RGS17: variants seen among roughly 807,000 people sequenced by gnomAD.
RGS17 encodes regulator of G protein signaling 17, also known as regulator of G-protein signaling 17.
In RGS17, 12 loss-of-function variants were observed where a neutral mutation model predicts 25.5. That is an observed-to-expected ratio of 0.47 (90% confidence interval 0.30 to 0.76). The LOEUF is 0.76. Among genes scored for constraint, RGS17 ranks in the 30% least tolerant of loss-of-function variants. RGS17 has a pLI of 0.07. For missense variants in RGS17, 196 were observed against 242.2 expected, an observed-to-expected ratio of 0.81 and a Z score of 1.27; for synonymous variants, 71 against 76.9, an observed-to-expected ratio of 0.92 and a Z score of 0.40.
Position 153,009,977 on chromosome 6 carries a change from T to TAA in RGS17, c.*1595_*1596dup, listed in dbSNP as rs1372771169. The TAA allele has an allele frequency of 6.6e-6, 1 of 151,836 alleles. No homozygotes were observed. The allele number at this position is 151,836 out of a possible 1,614,324, so 9.4% of individuals were successfully genotyped here. ...GCCAACCTTTCAAGTAAAATAAATT[T>TAA]AAAAAGAAACCCCCAAACTTGTTTT... On this transcript the variant is annotated 3_prime_UTR_variant, in exon 5 of 5. Transcript: ENST00000206262.
intron 2 of RGS17, among the ~76,000 whole-genome samples, chr6:153,033,524 C>T (rs555589222): frequency 6.6e-6 from 1 of 151,964 alleles, no homozygotes; most frequent in African/African-American, 2.4e-5. Context: ...TCGAGACCAC[C>T]CTGGGTAACA....
chr6:153,021,148 T>A (rs1451809862), intron 4 of RGS17, among the ~76,000 whole-genome samples: 1 of 152,232 alleles, frequency 6.6e-6, no homozygotes, highest in Non-Finnish European at 1.5e-5. Context: ...ATGAACTGAA[T>A]GTTGAGACTC....
chr6:153,007,690 C>G lies in RGS17; in HGVS notation c.*3884G>C, dbSNP rs1369063384. On this transcript the variant is annotated 3_prime_UTR_variant, in exon 5 of 5. Transcript: ENST00000206262. ...CACTGCGACCTCTGCCTCCTGGGTT[C>G]AAGCGATTCTCCTGCCTCAGCCTCT... 2 of 152,116 alleles carry G rather than the reference C, an allele frequency of 1.3e-5. No individual in the cohort carries two copies. Among genetic ancestry groups the G allele is most frequent in the Non-Finnish European group, 2.9e-5 (2 of 68,054 alleles). 9.4% of individuals were successfully genotyped at this position (152,116 alleles called of 1,614,324 possible).
intron 2 of RGS17, among the ~76,000 whole-genome samples, chr6:153,038,863 C>T (rs948196369): frequency 5.3e-5 from 8 of 152,078 alleles, no homozygotes; most frequent in African/African-American, 9.7e-5. Flanking sequence ...TTGTTAGAAA[C>T]GGAGGGAGGG....
intron 2 of RGS17, among the ~76,000 whole-genome samples, chr6:153,041,114 G>A (rs979991870): frequency 3.3e-5 from 5 of 152,082 alleles, no homozygotes; most frequent in Non-Finnish European, 5.9e-5. Context: ...ACAGTGAGCT[G>A]TGACTGTGCC....
chr6:153,065,295 C>A (rs144196176), intron 1 of RGS17, among the ~76,000 whole-genome samples: 5 of 152,140 alleles, frequency 3.3e-5, no homozygotes, highest in African/African-American at 1.2e-4. Context: ...ATAAAACAAC[C>A]AGATATATAC....
intron 2 of RGS17, among the ~76,000 whole-genome samples, chr6:153,031,539 G>C (rs1316426724): frequency 2.6e-5 from 4 of 152,090 alleles, no homozygotes; most frequent in Non-Finnish European, 5.9e-5. Flanking sequence ...TATTTACAAG[G>C]AAACAGTTAT....
At chr6:153,105,360 G>T (rs915267635) in intron 1 of RGS17, among the ~76,000 whole-genome samples, 8 of 152,062 alleles carry the variant, frequency 5.3e-5, no homozygotes, top group African/African-American at 2.4e-5. Context: ...ATTTATTAAG[G>T]ACCTATTATC....
intron 1 of RGS17, among the ~76,000 whole-genome samples, chr6:153,054,357 T>G (rs1215582786): frequency 6.6e-6 from 1 of 151,476 alleles, no homozygotes. Context: ...GTTGTTAGAT[T>G]TGCAAGACCG....
At chr6:153,066,981 A>C (rs1776718627) in intron 1 of RGS17, among the ~76,000 whole-genome samples, 1 of 152,130 alleles carries the variant, frequency 6.6e-6, no homozygotes, top group African/African-American at 2.4e-5. Flanking sequence ...CGGAGCTTGC[A>C]ATGAGCTGAG....
At chr6:153,029,739 C>T (rs1308190302) in intron 2 of RGS17, among the ~76,000 whole-genome samples, 2 of 151,970 alleles carry the variant, frequency 1.3e-5, no homozygotes, top group Non-Finnish European at 2.9e-5. Context: ...TACAGGCACC[C>T]GCCACCATGC....
chr6:153,019,264 G>C (rs114998952), intron 4 of RGS17, among the ~76,000 whole-genome samples: 2,027 of 152,254 alleles, frequency 0.013, 54 homozygotes, highest in African/African-American at 0.046. Context: ...GCCATCACTA[G>C]GCAGATTTCT....
chr6:153,089,043 T>C (rs1777089308), intron 1 of RGS17, among the ~76,000 whole-genome samples: 1 of 152,186 alleles, frequency 6.6e-6, no homozygotes, highest in African/African-American at 2.4e-5. Context: ...TCTCAAGAAC[T>C]GCTCCCACCT....
At position 153,028,911 on chromosome 6, in the gene RGS17, G is replaced by A. The variant is rs79659139; in HGVS notation, c.120-2368C>T. Among the ~76,000 whole-genome samples the A allele has an allele frequency of 9.9e-3, 1,502 of 152,248 alleles. 10 individuals carry two copies. The highest frequency in any genetic ancestry group is 0.014 in the Non-Finnish European group (952 of 68,012). On this transcript the variant is annotated intron_variant, in intron 2 of 4. Coordinates refer to ENST00000206262, the MANE Select transcript of RGS17 (RefSeq NM_012419.5). Reference sequence around the variant, plus strand: ...ACTTCATTTCATTAAACATCTTTGAGAAATTTTTTTCTCCGTTGTGCCTTT... The same window carrying A: ...ACTTCATTTCATTAAACATCTTTGAAAAATTTTTTTCTCCGTTGTGCCTTT...
chr6:153,116,404 A>T (rs1273776535), intron 1 of RGS17, among the ~76,000 whole-genome samples: 1 of 152,228 alleles, frequency 6.6e-6, no homozygotes, highest in African/African-American at 2.4e-5. Flanking sequence ...AATGGTGATC[A>T]TTAAAAAGTC....
At chr6:153,114,924 G>A (rs971778202) in intron 1 of RGS17, among the ~76,000 whole-genome samples, 28 of 152,046 alleles carry the variant, frequency 1.8e-4, no homozygotes, top group Admixed American at 3.9e-4. Context: ...TTGATGGAAC[G>A]TATCTCAAAA....
chr6:153,019,154 T>C (rs773893582), intron 4 of RGS17, among the ~76,000 whole-genome samples: 10 of 152,220 alleles, frequency 6.6e-5, no homozygotes, highest in Non-Finnish European at 1.3e-4. Context: ...CCTTCATTCA[T>C]AACACTAGGA....
chr6:153,051,324 G>T (rs1403480574), intron 1 of RGS17, among the ~76,000 whole-genome samples: 2 of 152,170 alleles, frequency 1.3e-5, no homozygotes, highest in African/African-American at 4.8e-5. Context: ...TTTGGTTAGG[G>T]CTCAGAAAGG....
intron 1 of RGS17, among the ~76,000 whole-genome samples, chr6:153,073,064 A>G (rs1776829564): frequency 2.0e-5 from 3 of 152,208 alleles, no homozygotes; most frequent in Admixed American, 1.3e-4. Context: ...TTCCATCTCG[A>G]TGACATAACA....
Sources: allele counts gnomAD v4.1 joint callset (sites outside exome capture counted in the v4.1 genomes callset), GRCh38; gene constraint gnomAD v4.1.1; transcripts MANE v1.5; gene names NCBI Gene and HGNC (gene_info 2026-07-23, HGNC 2026-07-21).